Variants in IFT140 observed in about 807,000 individuals in gnomAD.
IFT140 encodes the protein intraflagellar transport protein 140 homolog.
In IFT140, 133 loss-of-function variants were observed where a neutral mutation model predicts 164.6. That is an observed-to-expected ratio of 0.81 (90% CI 0.70 to 0.93). IFT140 has a LOEUF of 0.93. IFT140 is among the 40% of genes least tolerant of loss of function. The probability of loss-of-function intolerance (pLI) is 0.00; values close to 1 mark genes in which losing one functional copy is unlikely to be tolerated. For missense variants in IFT140, 2,045 were observed against 1,972.3 expected (o/e 1.04, Z -0.70); for synonymous variants, 860 against 817.3 (o/e 1.05, Z -0.89).
In IFT140 at chr16:1,511,088, C is replaced by A; in HGVS notation, c.4245G>T (p.Val1415=). ...GCACGGCGTCCACGGCCTGCGGGCT[C>A]ACGTAGTAGGACATGTTGGCCAAGG... The part of the protein sequence containing the change: ...RLPLANMSYY[V]SPQAVDAVHR... Residue 1415 remains valine, a synonymous_variant, in exon 31 of 31, where the codon GTG becomes GTT. Transcript: ENST00000426508. 9 of 1,610,640 alleles carry A rather than the reference C, an allele frequency of 5.6e-6. No individual in the cohort carries two copies. Among genetic ancestry groups the A allele is most frequent in the Non-Finnish European group, 7.6e-6 (9 of 1,179,050 alleles).
Position 1,525,203 on chromosome 16 carries a change from TCCCACCAGC to T in IFT140, c.2864+19_2864+27del, listed in dbSNP as rs775534138. 1.2e-5 allele frequency: 19 copies of T among 1,530,328 alleles called. No individual in the cohort carries two copies. Among genetic ancestry groups the T allele is most frequent in the Admixed American group, 1.7e-5 (1 of 59,918 alleles). The allele number at this position is 1,530,328 out of a possible 1,614,324, so 94.8% of individuals were successfully genotyped here. A position where few individuals can be genotyped will look rare whatever the true frequency, so the allele number is the denominator to read the frequency against. On this transcript the variant is annotated intron_variant, in intron 22 of 30. Transcript: ENST00000426508. ...TGCAAACCTCCAGGATGGAGTGCGGTCCCACCAGCCCTGGTGGGGACACTCACTTATCCT... is the reference window on the plus strand; with the variant it reads ...TGCAAACCTCCAGGATGGAGTGCGGTCCTGGTGGGGACACTCACTTATCCT...
At chr16:1,554,637 A>G (rs2032942721) in intron 19 of IFT140, 1 of 1,270,476 alleles carries the variant, frequency 7.9e-7, no homozygotes, top group Non-Finnish European at 1.1e-6. Context: ...CTGGGGAAGG[A>G]TAAAGCAGGC....
At position 1,510,863 on chromosome 16, in the gene IFT140, T is replaced by G; in HGVS notation, c.*81A>C. 1 of 1,272,720 alleles carries G rather than the reference T, an allele frequency of 7.9e-7. No homozygotes were observed. Among genetic ancestry groups the G allele is most frequent in the Non-Finnish European group, 1.1e-6 (1 of 895,216 alleles). 78.8% of individuals were successfully genotyped at this position (1,272,720 alleles called of 1,614,324 possible). A position where few individuals can be genotyped will look rare whatever the true frequency, so the allele number is the denominator to read the frequency against. ...CAGACATGTTTTTTCCCAGCAAAAA[T>G]GCTGGCTTTGCCACAGCTGACAAAA... On this transcript the variant is annotated 3_prime_UTR_variant, in exon 31 of 31. Coordinates refer to ENST00000426508, the MANE Select transcript of IFT140 (RefSeq NM_014714.4).
chr16:1,581,653 A>C lies in IFT140; in HGVS notation c.1433-803T>G, dbSNP rs554613200. On this transcript the variant is annotated intron_variant, in intron 12 of 30. Transcript: ENST00000426508. The stretch of plus-strand genomic sequence containing the variant: ...TACACAAAACAAAAAATATCCCAGC[A>C]CCTGCTGTGTTGGTTCTACTGGGGG... 9.5e-5 allele frequency among the ~76,000 whole-genome samples: 14 copies of C among 148,140 alleles called. No individual in the cohort carries two copies. In the South Asian group the frequency reaches 2.4e-3, roughly 25 times the overall value.
intron 4 of IFT140, among the ~76,000 whole-genome samples, chr16:1,595,618 A>G (rs2035424415): frequency 6.6e-6 from 1 of 151,740 alleles, no homozygotes; most frequent in Non-Finnish European, 1.5e-5. Context: ...AAAAAAAAAA[A>G]GGAAACTTAC....
Position 1,553,533 on chromosome 16 carries a change from C to G in IFT140, c.2399+4402G>C. On this transcript the variant is annotated intron_variant, in intron 19 of 30. Coordinates refer to ENST00000426508, the MANE Select transcript of IFT140 (RefSeq NM_014714.4). The surrounding 1 kb of genome is among the most constrained non-coding windows in gnomAD (Gnocchi z 4.4). ...GCCTGGGGAGGGACATGGACAAGTC[C>G]TCTATGGACAAGAGGGGCTGGAGAG... 2.0e-6 allele frequency: 2 copies of G among 996,872 alleles called. No homozygotes were observed. The highest frequency in any genetic ancestry group is 2.4e-6 in the Non-Finnish European group (2 of 836,050). The allele number at this position is 996,872 out of a possible 1,614,324, so 61.8% of individuals were successfully genotyped here.
intron 1 of IFT140, among the ~76,000 whole-genome samples, chr16:1,611,284 C>G (rs2036309606): frequency 6.6e-6 from 1 of 152,132 alleles, no homozygotes; most frequent in Admixed American, 6.5e-5. Flanking sequence ...GCGGGCGGAT[C>G]GTTGGAGCCC....
chr16:1,523,552 T>G lies in IFT140; in HGVS notation c.3419A>C (p.Glu1140Ala). 2 of 1,613,114 alleles carry G rather than the reference T, an allele frequency of 1.2e-6. No individual in the cohort carries two copies. The highest frequency in any genetic ancestry group is 1.7e-6 in the Non-Finnish European group (2 of 1,179,904). Residue 1140 changes from glutamate (E) to alanine (A), a missense_variant, in exon 26 of 31, where the codon GAG becomes GCG. By Grantham distance (107) the Glu-to-Ala change is moderately radical (BLOSUM62 -1). Coordinates refer to ENST00000426508, the MANE Select transcript of IFT140 (RefSeq NM_014714.4). ...SDFFIEHSQYERAVELLLAAR... is the reference protein window; with the variant it reads ...SDFFIEHSQYARAVELLLAAR... ...AGCCAGCAGCAGCTCTACCGCCCTCTCGTACTGACTGTGCTCGATGAAGAA... is the reference window on the plus strand; with the variant it reads ...AGCCAGCAGCAGCTCTACCGCCCTCGCGTACTGACTGTGCTCGATGAAGAA...
At chr16:1,541,455 C>A in intron 19 of IFT140, 1 of 985,438 alleles carries the variant, frequency 1.0e-6, no homozygotes, top group Non-Finnish European at 1.2e-6. Context: ...GCACGCAGGA[C>A]AGCACGCCTG....
At chr16:1,598,958 T>G (rs1286111972) in intron 4 of IFT140, among the ~76,000 whole-genome samples, 1 of 138,736 alleles carries the variant, frequency 7.2e-6, no homozygotes, top group East Asian at 2.2e-4. Context: ...CCATCCCATC[T>G]AGGAAGTGAG....
chr16:1,552,471 G>A (rs1033499405), intron 19 of IFT140, among the ~76,000 whole-genome samples: 9 of 151,982 alleles, frequency 5.9e-5, no homozygotes, highest in Non-Finnish European at 1.0e-4. Context: ...GCCAGACCCC[G>A]TAAACATGAG....
intron 12 of IFT140, 42 bp from the exon 13 acceptor site, chr16:1,580,892 G>A (rs372266246): frequency 8.8e-5 from 120 of 1,366,824 alleles, no homozygotes; most frequent in Middle Eastern, 1.8e-4. Context: ...CCGCTCATCC[G>A]CCAGACTTGC....
rs539666195 is a variant in IFT140 at position 1,583,898 on chromosome 16, C to T, written c.1359+319G>A. ...TAGCTGGGATTACAGGCATACACCC[C>T]GACGCCTGGCTAATTTTTGTATTTT... is the stretch of plus-strand genomic sequence containing the variant. On this transcript the variant is annotated intron_variant, in intron 11 of 30. Coordinates refer to ENST00000426508, the MANE Select transcript of IFT140 (RefSeq NM_014714.4). Among the ~76,000 whole-genome samples, 181 of 152,236 alleles carry T rather than the reference C, an allele frequency of 1.2e-3. 3 individuals are homozygous for T. The highest frequency in any genetic ancestry group is 3.9e-4 in the Admixed American group (6 of 15,298).
chr16:1,511,628 G>T (rs1163742136), intron 30 of IFT140, among the ~76,000 whole-genome samples: 1 of 151,860 alleles, frequency 6.6e-6, no homozygotes, highest in Admixed American at 6.6e-5. Context: ...GATATAATAA[G>T]CTTGTTGGAT....
At chr16:1,600,886 G>GA (rs1308659905) in intron 4 of IFT140, among the ~76,000 whole-genome samples, 1 of 149,114 alleles carries the variant, frequency 6.7e-6, no homozygotes, top group Admixed American at 6.7e-5. Flanking sequence ...TAAATTTCAT[G>GA]AAAGACCAAA....
chr16:1,550,760 C>T (rs954301296), intron 19 of IFT140, among the ~76,000 whole-genome samples: 1 of 152,252 alleles, frequency 6.6e-6, no homozygotes, highest in Non-Finnish European at 1.5e-5. Flanking sequence ...CAAATGCCAC[C>T]CTCTGGGGAC....
chr16:1,579,079 C>T (rs907233075), intron 13 of IFT140, among the ~76,000 whole-genome samples: 2 of 152,144 alleles, frequency 1.3e-5, no homozygotes, highest in Admixed American at 1.3e-4. Flanking sequence ...ACAAGACTTA[C>T]CAATAACGTA....
chr16:1,571,557 G>T (rs1331478317), intron 13 of IFT140, 23 bp from the exon 14 acceptor site: 3 of 1,600,808 alleles, frequency 1.9e-6, no homozygotes, highest in East Asian at 2.2e-5. Flanking sequence ...AACAAGAAAT[G>T]GATATATTTC....
At chr16:1,595,461 C>T (rs934476971) in intron 4 of IFT140, among the ~76,000 whole-genome samples, 5 of 149,338 alleles carry the variant, frequency 3.3e-5, no homozygotes, top group Non-Finnish European at 7.4e-5. Context: ...ACTAAAAATA[C>T]AAAATTAGCC....
Sources: allele counts gnomAD v4.1 joint callset (sites outside exome capture counted in the v4.1 genomes callset), GRCh38; gene constraint gnomAD v4.1.1; non-coding constraint Gnocchi (gnomAD v3.1); transcripts MANE v1.5; gene names NCBI Gene and HGNC (gene_info 2026-07-23, HGNC 2026-07-21).